The following SCD5 variants were observed in gnomAD, a reference collection of about 807,000 sequenced individuals.
The protein encoded by SCD5 is stearoyl-CoA desaturase 5.
A neutral mutation model predicts 30.4 loss-of-function variants in SCD5; 20 were observed. The ratio of observed to expected loss-of-function variants is 0.66; its 90% CI spans 0.46 to 0.96. The LOEUF (loss-of-function observed/expected upper bound fraction) is 0.96, where lower values mean the gene tolerates loss of function less well. Ranked by LOEUF, SCD5 falls within the 40% of genes least tolerant of loss-of-function variation. The pLI is 0.00. For synonymous variants in SCD5, 173 were observed against 176.4 expected, an observed-to-expected ratio of 0.98 and a Z score of 0.16; for missense variants, 381 against 443.3, an observed-to-expected ratio of 0.86 and a Z score of 1.26.
intron 1 of SCD5, among the ~76,000 whole-genome samples, chr4:82,714,958 T>G (rs1720193151): frequency 6.7e-6 from 1 of 150,122 alleles, no homozygotes; most frequent in African/African-American, 2.5e-5. Context: ...CATGTGAGGC[T>G]AGGCGCAGTG....
chr4:82,734,522 T>TA (rs1318496677), intron 1 of SCD5, among the ~76,000 whole-genome samples: 1 of 152,340 alleles, frequency 6.6e-6, no homozygotes, highest in African/African-American at 2.4e-5. Flanking sequence ...AGAAACCACA[T>TA]AAAGGAGATG....
chr4:82,709,254 A>G (rs1008618993), intron 1 of SCD5, among the ~76,000 whole-genome samples: 9 of 152,130 alleles, frequency 5.9e-5, no homozygotes, highest in Non-Finnish European at 1.2e-4. Flanking sequence ...CTTGCCTGTA[A>G]TACCTACACC....
At chr4:82,676,865 G>A (rs763272160) in intron 3 of SCD5, among the ~76,000 whole-genome samples, 2 of 152,240 alleles carry the variant, frequency 1.3e-5, no homozygotes, top group African/African-American at 4.8e-5. Flanking sequence ...CACATTGACA[G>A]TGCAGCAAAA....
rs1373597699 is a variant in SCD5 at position 82,777,710 on chromosome 4, G to A, written c.232+20596C>T. Among the ~76,000 whole-genome samples, 4 of 152,108 alleles carry A rather than the reference G, an allele frequency of 2.6e-5. No individual in the cohort carries two copies. The East Asian group carries it at 5.8e-4, about 22-fold the overall frequency. On this transcript the variant is annotated intron_variant, in intron 1 of 4. Transcript: ENST00000319540. ...CTGCTTCTGGGAAAGTATCTTGGTC[G>A]CCTCCCTGCATTCCCCATTCCCAAC...
chr4:82,659,630 G>A (rs1488824542), intron 3 of SCD5, among the ~76,000 whole-genome samples: 3 of 152,142 alleles, frequency 2.0e-5, no homozygotes, highest in African/African-American at 7.2e-5. Flanking sequence ...TTTCCAGGTG[G>A]TTGTGCGGTT....
At chr4:82,729,857 C>G (rs1319005740) in intron 1 of SCD5, among the ~76,000 whole-genome samples, 1 of 152,146 alleles carries the variant, frequency 6.6e-6, no homozygotes, top group African/African-American at 2.4e-5. Flanking sequence ...GGAGAGGGCA[C>G]CAGAGGAGTC....
chr4:82,738,371 G>A (rs138418548), intron 1 of SCD5, among the ~76,000 whole-genome samples: 2,714 of 152,294 alleles, frequency 0.018, 51 homozygotes, highest in South Asian at 0.063. Context: ...GCAGTGAGCC[G>A]AGATCGTGCC....
chr4:82,774,388 A>G (rs1721696051), intron 1 of SCD5, among the ~76,000 whole-genome samples: 1 of 152,228 alleles, frequency 6.6e-6, no homozygotes, highest in African/African-American at 2.4e-5. Flanking sequence ...ACAAGGTTAT[A>G]GTATAATTGC....
chr4:82,664,015 C>T (rs937804612), intron 3 of SCD5, among the ~76,000 whole-genome samples: 7 of 152,180 alleles, frequency 4.6e-5, no homozygotes, highest in Admixed American at 4.6e-4. Flanking sequence ...TGAAGAAACC[C>T]TCTACTCTTA....
intron 3 of SCD5, among the ~76,000 whole-genome samples, chr4:82,677,988 A>G (rs1728471660): frequency 6.6e-6 from 1 of 151,954 alleles, no homozygotes; most frequent in African/African-American, 2.4e-5. Context: ...CATGATCCAG[A>G]GCCATCTCTC....
chr4:82,742,073 C>T (rs1366108771), intron 1 of SCD5, among the ~76,000 whole-genome samples: 1 of 141,098 alleles, frequency 7.1e-6, no homozygotes, highest in African/African-American at 2.9e-5. Context: ...GAAGAGAGTC[C>T]GTCTCAAAAA....
At chr4:82,680,613 A>G in intron 3 of SCD5, 94 bp downstream of exon 3, 1 of 1,123,298 alleles carries the variant, frequency 8.9e-7, no homozygotes, top group Non-Finnish European at 1.3e-6. Flanking sequence ...CAAATGCTTG[A>G]GAAGAACGCT....
At position 82,680,720 on chromosome 4, in the gene SCD5, G is replaced by C. The variant is rs199983077; in HGVS notation, c.556C>G (p.Arg186Gly). 5.5e-5 allele frequency: 88 copies of C among 1,613,902 alleles called. No individual in the cohort carries two copies. The highest frequency in any genetic ancestry group is 6.8e-5 in the Non-Finnish European group (80 of 1,180,008). The change falls in exon 3 of 5, where the codon CGG becomes GGG. Residue 186 changes from arginine (R) to glycine (G), a missense_variant. Arg to Gly is a moderately radical substitution (Grantham distance 125). Transcript: ENST00000319540. The stretch of plus-strand genomic sequence containing the variant: ...CCATTCACTTACTTTCTCTGGATCC[G>C]GACCACAGGATCAGCAAGCAGGTCA... ...VTDLLADPVV[R>G]IQRKYYKISV...
chr4:82,734,509 G>A (rs1720706611), intron 1 of SCD5, among the ~76,000 whole-genome samples: 1 of 152,214 alleles, frequency 6.6e-6, no homozygotes. Flanking sequence ...CTGCACAGCT[G>A]TGAGAAACCA....
At chr4:82,684,345 A>C (rs1728649711) in intron 2 of SCD5, among the ~76,000 whole-genome samples, 1 of 152,224 alleles carries the variant, frequency 6.6e-6, no homozygotes, top group South Asian at 2.1e-4. Context: ...CTCAAAGAAT[A>C]AGATGTGTTT....
intron 2 of SCD5, among the ~76,000 whole-genome samples, chr4:82,687,660 A>G (rs556645074): frequency 2.2e-4 from 34 of 152,328 alleles, no homozygotes; most frequent in Non-Finnish European, 4.3e-4. Context: ...ACTATCCATG[A>G]TTGATAACAT....
At chr4:82,724,604 A>AAT (rs1262660209) in intron 1 of SCD5, among the ~76,000 whole-genome samples, 1 of 152,252 alleles carries the variant, frequency 6.6e-6, no homozygotes, top group Non-Finnish European at 1.5e-5. Flanking sequence ...TTAAAAGAAT[A>AAT]ATATAAAAAG....
chr4:82,769,035 G>A (rs1251101572), intron 1 of SCD5, among the ~76,000 whole-genome samples: 1 of 152,020 alleles, frequency 6.6e-6, no homozygotes, highest in East Asian at 1.9e-4. Flanking sequence ...CTGTCTAACG[G>A]GGGCTGGAGG....
intron 1 of SCD5, among the ~76,000 whole-genome samples, chr4:82,790,873 G>A (rs1003757863): frequency 6.6e-6 from 1 of 152,070 alleles, no homozygotes; most frequent in Admixed American, 6.5e-5. Flanking sequence ...AAAGGCCCAG[G>A]CTTCTGACAA....
Sources: allele counts gnomAD v4.1 joint callset (sites outside exome capture counted in the v4.1 genomes callset), GRCh38; gene constraint gnomAD v4.1.1; transcripts MANE v1.5; gene names NCBI Gene and HGNC (gene_info 2026-07-23, HGNC 2026-07-21).